PRELID2: variants seen among roughly 807,000 people sequenced by gnomAD.
The protein encoded by PRELID2 is PRELI domain-containing protein 2.
Under a neutral mutation model 28.4 loss-of-function variants are expected in PRELID2, and 25 were observed. The observed-to-expected ratio is 0.88, with a 90% CI of 0.64 to 1.23. The LOEUF is 1.23. Among genes scored for constraint, PRELID2 ranks in the 50% most tolerant of loss-of-function variants. The pLI is 0.00. For missense variants in PRELID2, 201 were observed against 214.4 expected, an observed-to-expected ratio of 0.94 and a Z score of 0.39; for synonymous variants, 76 against 71.6, an observed-to-expected ratio of 1.06 and a Z score of -0.31.
At chr5:145,499,158 G>A (rs1366501291) in intron 1 of PRELID2, among the ~76,000 whole-genome samples, 1 of 152,136 alleles carries the variant, frequency 6.6e-6, no homozygotes, top group Non-Finnish European at 1.5e-5. Context: ...TAAGGTGGAA[G>A]GATCTCTTGA....
chr5:145,395,480 A>C, the PRELID2 span, among the ~76,000 whole-genome samples: 1 of 152,148 alleles, frequency 6.6e-6, no homozygotes, highest in Admixed American at 6.6e-5. Flanking sequence ...AGCCGGAAAA[A>C]CAGTGAAACC....
the PRELID2 span, among the ~76,000 whole-genome samples, chr5:145,334,262 A>G: frequency 6.6e-6 from 1 of 152,204 alleles, no homozygotes; most frequent in African/African-American, 2.4e-5. Context: ...GGTTACTATG[A>G]GGCTTACATA....
the PRELID2 span, among the ~76,000 whole-genome samples, chr5:145,362,152 A>G: frequency 1.3e-5 from 2 of 152,170 alleles, no homozygotes; most frequent in African/African-American, 4.8e-5. Flanking sequence ...CCTAATAAAT[A>G]TATGCTAAAT....
chr5:145,802,844 G>A (rs1222475198), intron 4 of PRELID2, among the ~76,000 whole-genome samples: 3 of 152,110 alleles, frequency 2.0e-5, no homozygotes, highest in Admixed American at 6.6e-5. Context: ...TTTTCTTCTG[G>A]ATTTGAGAAA....
chr5:145,732,195 G>T (rs573268668), intron 1 of PRELID2, among the ~76,000 whole-genome samples: 1 of 152,288 alleles, frequency 6.6e-6, no homozygotes, highest in East Asian at 1.9e-4. Flanking sequence ...AACACATTTT[G>T]CAGTCCTTTA....
intron 5 of PRELID2, chr5:145,796,201 TCCAAA>T (rs1752734579): frequency 3.0e-6 from 1 of 328,726 alleles, no homozygotes; most frequent in African/African-American, 2.2e-5. Context: ...ATAAGTATGC[TCCAAA>T]TTTTCACATA....
chr5:145,304,948 G>A, the PRELID2 span, among the ~76,000 whole-genome samples: 2 of 152,096 alleles, frequency 1.3e-5, no homozygotes, highest in East Asian at 1.9e-4. Flanking sequence ...TTTGTCGAAC[G>A]AATAAATGAG....
chr5:145,753,423 G>A (rs1376550019), downstream of PRELID2, among the ~76,000 whole-genome samples: 4 of 152,308 alleles, frequency 2.6e-5, no homozygotes, highest in South Asian at 6.2e-4. Flanking sequence ...TGTGCACGAA[G>A]TAGTATTTTT....
At chr5:145,495,592 G>T (rs1752303487) in intron 1 of PRELID2, among the ~76,000 whole-genome samples, 2 of 152,070 alleles carry the variant, frequency 1.3e-5, no homozygotes, top group African/African-American at 4.8e-5. Flanking sequence ...TAGTCTCCTA[G>T]ATTTTCACTT....
the PRELID2 span, among the ~76,000 whole-genome samples, chr5:145,319,382 C>G: frequency 7.9e-5 from 12 of 152,178 alleles, no homozygotes; most frequent in Admixed American, 4.6e-4. Context: ...AAAGTAATCC[C>G]ACCAGGTTGG....
the PRELID2 span, among the ~76,000 whole-genome samples, chr5:145,310,860 T>C: frequency 1.3e-5 from 2 of 152,152 alleles, no homozygotes; most frequent in African/African-American, 4.8e-5. Flanking sequence ...CATCTCCCTT[T>C]TTTTTTTCAA....
intron 1 of PRELID2, among the ~76,000 whole-genome samples, chr5:145,652,776 G>A (rs1162927905): frequency 6.6e-6 from 1 of 152,292 alleles, no homozygotes. Flanking sequence ...GGAACAACCA[G>A]TACCAGCCAC....
chr5:145,658,588 C>T (rs1357643146), intron 1 of PRELID2, among the ~76,000 whole-genome samples: 1 of 151,982 alleles, frequency 6.6e-6, no homozygotes, highest in Non-Finnish European at 1.5e-5. Context: ...GAATCTGGGA[C>T]CTCTCTCTCA....
At chr5:145,773,227 A>G (rs1758216160) in intron 5 of PRELID2, among the ~76,000 whole-genome samples, 1 of 152,266 alleles carries the variant, frequency 6.6e-6, no homozygotes, top group South Asian at 2.1e-4. Context: ...AAGAATCAAA[A>G]ATGGTCCATC....
chr5:145,600,991 A>T (rs920142877), intron 1 of PRELID2, among the ~76,000 whole-genome samples: 1 of 152,068 alleles, frequency 6.6e-6, no homozygotes, highest in Non-Finnish European at 1.5e-5. Context: ...CTCTACAACA[A>T]TAAAATTTAA....
chr5:145,416,128 G>A, the PRELID2 span, among the ~76,000 whole-genome samples: 1 of 151,914 alleles, frequency 6.6e-6, no homozygotes, highest in Non-Finnish European at 1.5e-5. Flanking sequence ...TGATGGGGTT[G>A]TTTGTTTTTT....
chr5:145,411,008 A>T, the PRELID2 span, among the ~76,000 whole-genome samples: 5 of 152,060 alleles, frequency 3.3e-5, no homozygotes, highest in East Asian at 9.7e-4. Context: ...TCCAAATGGG[A>T]GAAATTGGCC....
the PRELID2 span, among the ~76,000 whole-genome samples, chr5:145,316,003 T>C: frequency 2.6e-4 from 39 of 152,352 alleles, no homozygotes; most frequent in African/African-American, 8.7e-4. Context: ...TTTACCTCTC[T>C]TGTATCTATA....
At chr5:145,380,729 A>C in the PRELID2 span, among the ~76,000 whole-genome samples, 1 of 152,200 alleles carries the variant, frequency 6.6e-6, no homozygotes, top group African/African-American at 2.4e-5. Context: ...GGCATTAAAT[A>C]CGTTTCAGTT....
Sources: gnomAD v4.1 joint callset for allele counts (sites outside exome capture counted in the v4.1 genomes callset) on GRCh38, gnomAD v4.1.1 for gene constraint, MANE v1.5 for transcripts, NCBI Gene and HGNC (gene_info 2026-07-23, HGNC 2026-07-21) for gene names.